Variants in VEGFD observed in about 807,000 individuals in gnomAD.
VEGFD encodes c-fos induced growth factor (vascular endothelial growth factor D).
Under a neutral mutation model 28.0 loss-of-function variants are expected in VEGFD, and 26 were observed. The ratio of observed to expected loss-of-function variants is 0.93; its 90% confidence interval spans 0.68 to 1.29. VEGFD has a LOEUF of 1.29. Ranked by LOEUF, VEGFD falls within the 50% of genes most tolerant of loss-of-function variation. VEGFD has a pLI of 0.00. For synonymous variants in VEGFD, 93 were observed against 95.5 expected (o/e 0.97, Z 0.15); for missense variants, 294 against 273.4 (o/e 1.08, Z -0.53).
chrX:15,350,807 T>TTCTA (rs1337186743), intron 5 of VEGFD, among the ~76,000 whole-genome samples: 1 of 103,732 alleles, frequency 9.6e-6, no homozygotes, highest in African/African-American at 3.5e-5. Context: ...TTTTCTTTCT[T>TTCTA]TCTTTCTCTC....
At chrX:15,347,072 G>A in intron 6 of VEGFD, 92 bp downstream of exon 6, 1 of 868,037 alleles carries the variant, frequency 1.2e-6, no homozygotes, top group Admixed American at 2.8e-5. Flanking sequence ...GGCACCAAGG[G>A]GAAAAATTAG....
chrX:15,349,245 A>T (rs1471504641), intron 5 of VEGFD, among the ~76,000 whole-genome samples: 1 of 112,666 alleles, frequency 8.9e-6, no homozygotes, highest in Admixed American at 9.3e-5. Context: ...GTTCACTAAG[A>T]ATACTTCAGA....
At position 15,355,280 on chromosome X, in the gene VEGFD, G is replaced by C. The variant is rs761445938; in HGVS notation, c.511C>G (p.Pro171Ala). Residue 171 changes from proline to alanine, a missense_variant, in exon 4 of 7, where the codon CCT (proline) becomes GCT (alanine). Coordinates refer to ENST00000297904, the MANE Select transcript of VEGFD (RefSeq NM_004469.5). ...ACTAATTCAGGTACTGATGTCAAAGGCACTGATATCTCAAAGAGCTACAGC... is the reference window on the plus strand; with the variant it reads ...ACTAATTCAGGTACTGATGTCAAAGCCACTGATATCTCAAAGAGCTACAGC... ...ISKQLFEISV[P>A]LTSVPELVPV... 1.7e-6 allele frequency: 2 copies of C among 1,188,513 alleles called. No individual in the cohort carries two copies. The highest frequency in any genetic ancestry group is 1.8e-5 in the African/African-American group (1 of 55,836).
chrX:15,364,025 G>T (rs1923085004), intron 1 of VEGFD, among the ~76,000 whole-genome samples: 1 of 111,817 alleles, frequency 8.9e-6, no homozygotes, highest in African/African-American at 3.3e-5. Context: ...GAAACGAAAA[G>T]ATGTTTATCA....
Position 15,347,336 on chromosome X carries a change from C to G in VEGFD, c.766G>C (p.Ala256Pro). ...AACATCATGTGTGGCCCACAGAGAG[C>G]TGGTTCCTGGAGATGAGAGTGGTCT... ...TEDHSHLQEP[A>P]LCGPHMMFDE... Residue 256 changes from alanine to proline, a missense_variant, in exon 6 of 7, where the codon GCT becomes CCT. By Grantham distance (27) the Ala-to-Pro change is conservative. Transcript: ENST00000297904. 1 of 1,209,184 alleles carries G rather than the reference C, an allele frequency of 8.3e-7. No homozygotes were observed. Among genetic ancestry groups the G allele is most frequent in the African/African-American group, 1.7e-5 (1 of 57,721 alleles).
At chrX:15,347,102 A>G in intron 6 of VEGFD, 62 bp downstream of exon 6, 1 of 1,061,696 alleles carries the variant, frequency 9.4e-7, no homozygotes, top group Non-Finnish European at 1.3e-6. Context: ...GAATCCCACC[A>G]AATTAAAATG....
At chrX:15,376,726 G>C (rs1160466794) in intron 1 of VEGFD, among the ~76,000 whole-genome samples, 1 of 111,794 alleles carries the variant, frequency 8.9e-6, no homozygotes, top group Non-Finnish European at 1.9e-5. Flanking sequence ...ATCATCCCTA[G>C]TCTTGCTGTG....
intron 3 of VEGFD, among the ~76,000 whole-genome samples, chrX:15,357,173 A>C (rs983917093): frequency 8.9e-6 from 1 of 112,207 alleles, no homozygotes; most frequent in African/African-American, 3.2e-5. Context: ...AGGAAAACTT[A>C]CCTACTAAGC....
intron 5 of VEGFD, among the ~76,000 whole-genome samples, chrX:15,351,403 G>A (rs907565874): frequency 1.8e-5 from 2 of 110,093 alleles, no homozygotes; most frequent in Non-Finnish European, 3.8e-5. Context: ...ACAGGCGTGA[G>A]CCACCGCGCC....
chrX:15,383,755 T>G, intron 1 of VEGFD, 102 bp downstream of exon 1: 1 of 590,733 alleles, frequency 1.7e-6, no homozygotes, highest in Non-Finnish European at 2.9e-6. Flanking sequence ...ACTAGGATGG[T>G]TCTGCATTTT....
intron 1 of VEGFD, among the ~76,000 whole-genome samples, chrX:15,382,264 G>A (rs1409614597): frequency 1.8e-5 from 2 of 110,003 alleles, no homozygotes; most frequent in South Asian, 3.9e-4. Context: ...AGGTTGCAGC[G>A]AGCTGAGATT....
In VEGFD at chrX:15,347,193, C is replaced by T; in HGVS notation, c.909G>A (p.Lys303=). ...AGGTGTCTGGGTGAAATAGCTTGTG[C>T]TTCTGGCAGCAGGTCTCCAGACTTT... is the stretch of plus-strand genomic sequence containing the variant. The part of the protein sequence containing the change: ...CKESLETCCQ[K]HKLFHPDTCS... The change falls in exon 6 of 7, where the codon AAG becomes AAA. Residue 303 remains lysine, a synonymous_variant. Transcript: ENST00000297904. 8.3e-7 allele frequency: 1 copy of T among 1,210,270 alleles called. No homozygotes were observed. Among genetic ancestry groups the T allele is most frequent in the Non-Finnish European group, 1.1e-6 (1 of 894,750 alleles).
At chrX:15,346,385 G>T in intron 6 of VEGFD, 126 bp from the exon 7 acceptor site, 1 of 728,579 alleles carries the variant, frequency 1.4e-6, no homozygotes, top group East Asian at 3.4e-5. Flanking sequence ...ATCCTGCATG[G>T]TTATCCCACA....
chrX:15,351,027 ATTTTTTTTTTTTTTTTTTTTTTTTT>A (rs35997805), intron 5 of VEGFD, among the ~76,000 whole-genome samples: 1 of 14,745 alleles, frequency 6.8e-5, no homozygotes, highest in African/African-American at 1.9e-4. Flanking sequence ...ATGCCCAGCT[ATTTTTTTTTTTTTTTTTTTTTTTTT>A]TTTTTTTTTT....
intron 1 of VEGFD, among the ~76,000 whole-genome samples, chrX:15,382,010 A>C (rs1455290399): frequency 1.3e-5 from 1 of 76,329 alleles, no homozygotes; most frequent in East Asian, 5.1e-4. Flanking sequence ...TTAACAGTAC[A>C]TTCAAAGCAT....
chrX:15,362,580 C>T (rs900531600), intron 2 of VEGFD, among the ~76,000 whole-genome samples: 6 of 109,892 alleles, frequency 5.5e-5, no homozygotes, highest in African/African-American at 2.0e-4. Flanking sequence ...CAATGTTCAG[C>T]TATTTTTTTC....
In VEGFD at chrX:15,347,156, GC is replaced by G; in HGVS notation, c.938+7del. 8.3e-7 allele frequency: 1 copy of G among 1,199,465 alleles called. No individual in the cohort carries two copies. The highest frequency in any genetic ancestry group is 1.1e-6 in the Non-Finnish European group (1 of 887,532). On this transcript the variant is annotated splice_region_variant and intron_variant, in intron 6 of 6. Transcript: ENST00000297904. ...ATGAGTAAAGGCAAGACAACTCAAG[GC>G]ATTTACCTGCAGGTGTCTGGGTGAA...
At chrX:15,359,084 T>C (rs1283805699) in intron 2 of VEGFD, among the ~76,000 whole-genome samples, 1 of 110,581 alleles carries the variant, frequency 9.0e-6, no homozygotes, top group Non-Finnish European at 1.9e-5. Flanking sequence ...CTGGTGAAAA[T>C]CTCTTGTGGT....
At chrX:15,350,004 G>T (rs893971641) in intron 5 of VEGFD, among the ~76,000 whole-genome samples, 3 of 110,004 alleles carry the variant, frequency 2.7e-5, no homozygotes, top group Middle Eastern at 4.7e-3. Flanking sequence ...CTCCTTCCCT[G>T]CCCCGAGTCA....
Sources: allele counts gnomAD v4.1 joint callset (sites outside exome capture counted in the v4.1 genomes callset), GRCh38; gene constraint gnomAD v4.1.1; transcripts MANE v1.5; gene names NCBI Gene and HGNC (gene_info 2026-07-23, HGNC 2026-07-21).